FAM181B: variants seen among roughly 807,000 people sequenced by gnomAD.
FAM181B encodes family with sequence similarity 181 member B, also known as protein FAM181B.
A neutral mutation model predicts 17.8 loss-of-function variants in FAM181B; 13 were observed. The observed-to-expected ratio is 0.73, with a 90% confidence interval of 0.48 to 1.16. The LOEUF (loss-of-function observed/expected upper bound fraction) is 1.16. FAM181B is among the 50% of genes most tolerant of loss of function. The pLI, the probability that FAM181B is intolerant of heterozygous loss-of-function variation, is 0.00. For missense variants in FAM181B, 725 were observed against 634.1 expected (o/e 1.14, Z -1.54); for synonymous variants, 338 against 316.5 (o/e 1.07, Z -0.72).
chr11:82,732,548 A>G lies in FAM181B; in HGVS notation c.1182T>C (p.Asp394=), dbSNP rs770201503. Residue 394 remains aspartate, a synonymous_variant, in exon 1 of 1, where the codon GAT becomes GAC. Transcript: ENST00000329203. ...CGGTGCGGCTGTAGCCCGCGCTGTA[A>G]TCGTAGGACACCTGATGGGGCGGCG... ...PPPPPHQVSY[D]YSAGYSRTAY... 6.2e-7 allele frequency: 1 copy of G among 1,611,688 alleles called. No homozygotes were observed. Among genetic ancestry groups the G allele is most frequent in the East Asian group, 2.2e-5 (1 of 44,822 alleles).
Position 82,732,241 on chromosome 11 carries a change from T to C in FAM181B, c.*208A>G. The C allele has an allele frequency of 5.1e-6, 3 of 590,036 alleles. No individual in the cohort carries two copies. The highest frequency in any genetic ancestry group is 3.3e-5 in the Admixed American group (1 of 30,206). The allele number at this position is 590,036 out of a possible 1,614,324, so 36.6% of individuals were successfully genotyped here. ...AAGAACCTACAAACGTGTTTGTTTGTTTTTGTTTTAACACTTGAGGTTGTG... is the reference window on the plus strand; with the variant it reads ...AAGAACCTACAAACGTGTTTGTTTGCTTTTGTTTTAACACTTGAGGTTGTG... On this transcript the variant is annotated 3_prime_UTR_variant, in exon 1 of 1. Transcript: ENST00000329203.
chr11:82,733,176 T>G lies in FAM181B; in HGVS notation c.554A>C (p.Glu185Ala). The G allele has an allele frequency of 7.3e-7, 1 of 1,375,144 alleles. No homozygotes were observed. The highest frequency in any genetic ancestry group is 9.3e-7 in the Non-Finnish European group (1 of 1,073,062). 85.2% of individuals were successfully genotyped at this position (1,375,144 alleles called of 1,614,324 possible). The change falls in exon 1 of 1, where the codon GAG (glutamate) becomes GCG (alanine). Residue 185 changes from glutamate to alanine, a missense_variant. By Grantham distance (107) the Glu-to-Ala change is moderately radical. Transcript: ENST00000329203. The part of the protein sequence containing the change: ...VPGGAEPAGG[E>A]VAAPAAGLGG... ...TAGCCCGGCCGCCGGCGCAGCCACC[T>G]CACCCCCCGCCGGCTCGGCACCCCC...
In FAM181B at chr11:82,733,327, G is replaced by A. The variant is rs2120883450; in HGVS notation, c.403C>T (p.Pro135Ser). 7.9e-7 allele frequency: 1 copy of A among 1,270,438 alleles called. No individual in the cohort carries two copies. Among genetic ancestry groups the A allele is most frequent in the East Asian group, 3.2e-5 (1 of 30,820 alleles). The allele number at this position is 1,270,438 out of a possible 1,614,324, so 78.7% of individuals were successfully genotyped here. The stretch of plus-strand genomic sequence containing the variant: ...CCGTGGGCCGGGGCCGCGACTGTCG[G>A]GGCGCTAGGGGCGGCCAGCGGCCGT... ...AKRPLAAPSA[P>S]TVAAPAHGKA... The change falls in exon 1 of 1, where the codon CCG becomes TCG. Residue 135 changes from proline to serine, a missense_variant. By Grantham distance (74) the Pro-to-Ser change is moderately conservative. Coordinates refer to ENST00000329203, the MANE Select transcript of FAM181B (RefSeq NM_175885.4).
rs989268069 is a variant in FAM181B, at chr11:82,733,060, C to A, written c.670G>T (p.Ala224Ser). The A allele has an allele frequency of 3.9e-6, 6 of 1,525,030 alleles. No homozygotes were observed. In the African/African-American group the frequency reaches 7.2e-5, roughly 18 times the overall value. 94.5% of individuals were successfully genotyped at this position (1,525,030 alleles called of 1,614,324 possible). Residue 224 changes from alanine to serine, a missense_variant, in exon 1 of 1, where the codon GCA (alanine) becomes TCA (serine). Coordinates refer to ENST00000329203, the MANE Select transcript of FAM181B (RefSeq NM_175885.4). ...AAGAAGGACGGAGGCAGATTGCGTG[C>A]CCGCAGCGGGACCTTCCTGGCCCCT... ...IPGARKVPLR[A>S]RNLPPSFFTE...
chr11:82,732,695 G>T lies in FAM181B; in HGVS notation c.1035C>A (p.Thr345=). 2 of 1,460,730 alleles carry T rather than the reference G, an allele frequency of 1.4e-6. No homozygotes were observed. The highest frequency in any genetic ancestry group is 1.4e-5 in the African/African-American group (1 of 69,684). The allele number at this position is 1,460,730 out of a possible 1,614,324, so 90.5% of individuals were successfully genotyped here. A position where few individuals can be genotyped will look rare whatever the true frequency, so the allele number is the denominator to read the frequency against. Residue 345 remains threonine (T), a synonymous_variant, in exon 1 of 1, where the codon ACC becomes ACA. Transcript: ENST00000329203. ...ACAGGGGGCTCAAGGGCTCGTTCAA[G>T]GTCAAGCCGCCGCGGGGGGCAGTCA... ...SPLTAPRGGL[T]LNEPLSPLYP...
At position 82,732,291 on chromosome 11, in the gene FAM181B, C is replaced by A. The variant is rs1372967478; in HGVS notation, c.*158G>T. 1 of 703,928 alleles carries A rather than the reference C, an allele frequency of 1.4e-6. No individual in the cohort carries two copies. The highest frequency in any genetic ancestry group is 1.8e-5 in the African/African-American group (1 of 54,660). The allele number at this position is 703,928 out of a possible 1,614,324, so 43.6% of individuals were successfully genotyped here. ...GATTAAACAATCCCCAACTCGTCTT[C>A]ATCTCTTTTTTCTGAAGTTGCTTTT... On this transcript the variant is annotated 3_prime_UTR_variant, in exon 1 of 1. Coordinates refer to ENST00000329203, the MANE Select transcript of FAM181B (RefSeq NM_175885.4).
Position 82,729,985 on chromosome 11 carries a change from G to C in FAM181B, c.*2464C>G, listed in dbSNP as rs572482378. Reference sequence around the variant, plus strand: ...TTTAATTGACTCACAGTTCCACATGGCTGGGAGGCCTCATGAAACTTACAA... The same window carrying C: ...TTTAATTGACTCACAGTTCCACATGCCTGGGAGGCCTCATGAAACTTACAA... On this transcript the variant is annotated 3_prime_UTR_variant, in exon 1 of 1. Coordinates refer to ENST00000329203, the MANE Select transcript of FAM181B (RefSeq NM_175885.4). 5 of 152,454 alleles carry C rather than the reference G, an allele frequency of 3.3e-5. No individual in the cohort carries two copies. The South Asian group carries it at 1.0e-3, about 32-fold the overall frequency. The allele number at this position is 152,454 out of a possible 1,614,324, so 9.4% of individuals were successfully genotyped here.
chr11:82,732,231 T>A lies in FAM181B; in HGVS notation c.*218A>T. ...CTGGTCCAGTAAGAACCTACAAACG[T>A]GTTTGTTTGTTTTTGTTTTAACACT... On this transcript the variant is annotated 3_prime_UTR_variant, in exon 1 of 1. Coordinates refer to ENST00000329203, the MANE Select transcript of FAM181B (RefSeq NM_175885.4). 1 of 569,432 alleles carries A rather than the reference T, an allele frequency of 1.8e-6. No homozygotes were observed. Among genetic ancestry groups the A allele is most frequent in the Non-Finnish European group, 3.1e-6 (1 of 327,808 alleles). The allele number at this position is 569,432 out of a possible 1,614,324, so 35.3% of individuals were successfully genotyped here.
In FAM181B at chr11:82,732,858, G is replaced by C. The variant is rs1374495275; in HGVS notation, c.872C>G (p.Pro291Arg). 6 of 1,541,174 alleles carry C rather than the reference G, an allele frequency of 3.9e-6. No homozygotes were observed. The Admixed American group carries it at 1.2e-4, about 31-fold the overall frequency. ...LLAAEPLDVF[P>R]AGASVLRGPP... is the part of the protein sequence containing the mutation. ...TCCCCGCAGTACGGAGGCTCCGGCG[G>C]GGAACACGTCGAGAGGCTCGGCGGC... The change falls in exon 1 of 1, where the codon CCC (proline) becomes CGC (arginine). Residue 291 changes from proline (P) to arginine (R), a missense_variant. Pro to Arg is a moderately radical substitution (Grantham distance 103). Coordinates refer to ENST00000329203, the MANE Select transcript of FAM181B (RefSeq NM_175885.4).
Position 82,732,577 on chromosome 11 carries a change from G to A in FAM181B, c.1153C>T (p.Pro385Ser), listed in dbSNP as rs753523254. The A allele has an allele frequency of 1.9e-6, 3 of 1,606,574 alleles. No homozygotes were observed. The highest frequency in any genetic ancestry group is 2.2e-5 in the South Asian group (2 of 90,282). Residue 385 changes from proline (P) to serine (S), a missense_variant, in exon 1 of 1, where the codon CCG (proline) becomes TCG (serine). Coordinates refer to ENST00000329203, the MANE Select transcript of FAM181B (RefSeq NM_175885.4). Reference protein sequence around the residue: ...PFFPDCALPPPPPPHQVSYDY... With the variant: ...PFFPDCALPPSPPPHQVSYDY... ...TAGGACACCTGATGGGGCGGCGGCG[G>A]CGGGGGCAGGGCGCAGTCTGGAAAG...
rs1433394503 is a variant in FAM181B, at chr11:82,733,706, G to C, written c.24C>G (p.Leu8=). 4 of 1,454,912 alleles carry C rather than the reference G, an allele frequency of 2.7e-6. No homozygotes were observed. Among genetic ancestry groups the C allele is most frequent in the Non-Finnish European group, 3.6e-6 (4 of 1,103,770 alleles). The allele number at this position is 1,454,912 out of a possible 1,614,324, so 90.1% of individuals were successfully genotyped here. The change falls in exon 1 of 1, where the codon CTC becomes CTG. Residue 8 remains leucine (L), a synonymous_variant. Transcript: ENST00000329203. The part of the protein sequence containing the change: MAVQAAL[L]STHPFVPFGF... ...CGAAGGGCACGAAAGGGTGCGTGCT[G>C]AGGAGCGCCGCCTGCACCGCCATCG...
In FAM181B at chr11:82,732,856, C is replaced by T. The variant is rs1420660921; in HGVS notation, c.874G>A (p.Ala292Thr). ...LAAEPLDVFP[A>T]GASVLRGPPE... ...GGTCCCCGCAGTACGGAGGCTCCGG[C>T]GGGGAACACGTCGAGAGGCTCGGCG... The change falls in exon 1 of 1, where the codon GCC (alanine) becomes ACC (threonine). Residue 292 changes from alanine to threonine, a missense_variant. By Grantham distance (58) the Ala-to-Thr change is moderately conservative (BLOSUM62 0). Transcript: ENST00000329203. 6.5e-6 allele frequency: 10 copies of T among 1,539,468 alleles called. No homozygotes were observed. In the Admixed American group the frequency reaches 1.6e-4, roughly 25 times the overall value.
Position 82,732,604 on chromosome 11 carries a change from AG to A in FAM181B, c.1125del (p.Phe376SerfsTer112). On this transcript the variant is annotated frameshift_variant, in exon 1 of 1. Coordinates refer to ENST00000329203, the MANE Select transcript of FAM181B (RefSeq NM_175885.4). LOFTEE classifies it high-confidence loss of function. ...DGRGHLASFA[P>X]FFPDCALPPP... is the part of the protein sequence containing the mutation. ...GGGGGCAGGGCGCAGTCTGGAAAGA[AG>A]GGGGCGAAAGAGGCCAAATGGCCCC... 6.3e-7 allele frequency: 1 copy of A among 1,583,950 alleles called. No homozygotes were observed. The highest frequency in any genetic ancestry group is 8.6e-7 in the Non-Finnish European group (1 of 1,164,860).
rs1314182328 is a variant in FAM181B at position 82,732,800 on chromosome 11, C to T, written c.930G>A (p.Pro310=). 2.0e-6 allele frequency: 3 copies of T among 1,501,758 alleles called. No homozygotes were observed. Among genetic ancestry groups the T allele is most frequent in the East Asian group, 2.5e-5 (1 of 39,414 alleles). 93.0% of individuals were successfully genotyped at this position (1,501,758 alleles called of 1,614,324 possible). ...PPELEPGLFE[P]PPAVVGNLLY... ...GTAGGTTTCCCACCACTGCCGGCGG[C>T]GGCTCAAAGAGGCCGGGCTCCAGCT... The change falls in exon 1 of 1, where the codon CCG becomes CCA. Residue 310 remains proline, a synonymous_variant. Coordinates refer to ENST00000329203, the MANE Select transcript of FAM181B (RefSeq NM_175885.4).
Position 82,730,183 on chromosome 11 carries a change from C to G in FAM181B, c.*2266G>C, listed in dbSNP as rs1441824617. 6 of 152,194 alleles carry G rather than the reference C, an allele frequency of 3.9e-5. No homozygotes were observed. Among genetic ancestry groups the G allele is most frequent in the Non-Finnish European group, 8.8e-5 (6 of 68,050 alleles). 9.4% of individuals were successfully genotyped at this position (152,194 alleles called of 1,614,324 possible). A position where few individuals can be genotyped will look rare whatever the true frequency, so the allele number is the denominator to read the frequency against. On this transcript the variant is annotated 3_prime_UTR_variant, in exon 1 of 1. Coordinates refer to ENST00000329203, the MANE Select transcript of FAM181B (RefSeq NM_175885.4). ...TGATCCAATCACCTTCCACTAGGACCTCCCTCGACATGTGGGGATTACAAT... is the reference window on the plus strand; with the variant it reads ...TGATCCAATCACCTTCCACTAGGACGTCCCTCGACATGTGGGGATTACAAT...
rs767771547 is a variant in FAM181B, at chr11:82,733,194, G to A, written c.536C>T (p.Ala179Val). 1.5e-6 allele frequency: 2 copies of A among 1,349,486 alleles called. No homozygotes were observed. Among genetic ancestry groups the A allele is most frequent in the Non-Finnish European group, 1.9e-6 (2 of 1,059,952 alleles). 83.6% of individuals were successfully genotyped at this position (1,349,486 alleles called of 1,614,324 possible). A position where few individuals can be genotyped will look rare whatever the true frequency, so the allele number is the denominator to read the frequency against. The change falls in exon 1 of 1, where the codon GCC (alanine) becomes GTC (valine). Residue 179 changes from alanine to valine, a missense_variant. Ala to Val is a moderately conservative substitution (Grantham distance 64). Transcript: ENST00000329203. ...AGCCACCTCACCCCCCGCCGGCTCG[G>A]CACCCCCGGGGACGTGGCGCAGCGA... ...FDSLRHVPGG[A>V]EPAGGEVAAP...
In FAM181B at chr11:82,733,025, C is replaced by A. The variant is rs777034636; in HGVS notation, c.705G>T (p.Pro235=). 1.9e-6 allele frequency: 3 copies of A among 1,541,634 alleles called. No homozygotes were observed. In the South Asian group the frequency reaches 3.6e-5, roughly 19 times the overall value. ...RNLPPSFFTE[P]SRAGGGGCGP... is the part of the protein sequence containing the mutation. ...CACACCCGCCGCCGCCTGCCCGGGA[C>A]GGCTCCGTGAAGAAGGACGGAGGCA... The change falls in exon 1 of 1, where the codon CCG becomes CCT. Residue 235 remains proline (P), a synonymous_variant. Coordinates refer to ENST00000329203, the MANE Select transcript of FAM181B (RefSeq NM_175885.4).
Position 82,733,738 on chromosome 11 carries a change from C to A in FAM181B, c.-9G>T. 1 of 1,400,168 alleles carries A rather than the reference C, an allele frequency of 7.1e-7. No homozygotes were observed. 86.7% of individuals were successfully genotyped at this position (1,400,168 alleles called of 1,614,324 possible). On this transcript the variant is annotated 5_prime_UTR_variant, in exon 1 of 1. Coordinates refer to ENST00000329203, the MANE Select transcript of FAM181B (RefSeq NM_175885.4). ...GCCGCCTGCACCGCCATCGCCGCGG[C>A]TCCCGGGCTGTCCGCAGCGCTGCCC... is the stretch of plus-strand genomic sequence containing the variant.
In FAM181B at chr11:82,732,946, C is replaced by T. The variant is rs1193553200; in HGVS notation, c.784G>A (p.Val262Met). ...LGDLEKGAEAVEFFELLGPDY... is the reference protein window; with the variant it reads ...LGDLEKGAEAMEFFELLGPDY... ...GGCCCCAGCAGCTCAAAGAACTCCACGGCCTCCGCGCCCTTCTCCAGGTCG... is the reference window on the plus strand; with the variant it reads ...GGCCCCAGCAGCTCAAAGAACTCCATGGCCTCCGCGCCCTTCTCCAGGTCG... Residue 262 changes from valine to methionine, a missense_variant, in exon 1 of 1, where the codon GTG becomes ATG. Physicochemically the swap from Val to Met is conservative, Grantham distance 21. Transcript: ENST00000329203. The T allele has an allele frequency of 1.9e-6, 3 of 1,575,064 alleles. No individual in the cohort carries two copies. The highest frequency in any genetic ancestry group is 1.7e-6 in the Non-Finnish European group (2 of 1,167,382).
Sources: gnomAD v4.1 joint callset for allele counts on GRCh38, gnomAD v4.1.1 for gene constraint, MANE v1.5 for transcripts, NCBI Gene and HGNC (gene_info 2026-07-23, HGNC 2026-07-21) for gene names.